ZNF558: variants seen among roughly 807,000 people sequenced by gnomAD.
The protein encoded by ZNF558 is zinc finger protein 558.
In ZNF558, 23 loss-of-function variants were observed where a neutral mutation model predicts 37.6. The ratio of observed to expected loss-of-function variants is 0.61; its 90% CI spans 0.44 to 0.87. ZNF558 has a LOEUF of 0.87. ZNF558 is among the 40% of genes least tolerant of loss of function. The pLI is 0.00. For synonymous variants in ZNF558, 189 were observed against 174.4 expected (o/e 1.08, Z -0.66); for missense variants, 429 against 483.7 (o/e 0.89, Z 1.06).
chr19:8,811,352 G>C lies in ZNF558; in HGVS notation c.1138C>G (p.His380Asp). 6.2e-7 allele frequency: 1 copy of C among 1,613,062 alleles called. No individual in the cohort carries two copies. The highest frequency in any genetic ancestry group is 8.5e-7 in the Non-Finnish European group (1 of 1,179,560). The change falls in exon 10 of 10, where the codon CAT (histidine) becomes GAT (aspartate). Residue 380 changes from histidine to aspartate, a missense_variant. Physicochemically the swap from His to Asp is moderately conservative, Grantham distance 81. Transcript: ENST00000601372. ...HTGEKPYECNHCGKSFTSNSY... is the reference protein window; with the variant it reads ...HTGEKPYECNDCGKSFTSNSY... ...TTACTTGTGAAGGATTTCCCACAAT[G>C]ATTACATTCATAGGGTTTTTCTCCA...
intron 7 of ZNF558, among the ~76,000 whole-genome samples, chr19:8,813,656 C>T (rs549751357): frequency 1.5e-4 from 23 of 152,306 alleles, no homozygotes; most frequent in South Asian, 8.3e-4. Flanking sequence ...TGAGCCACCA[C>T]GCCCTGCCAA....
intron 7 of ZNF558, among the ~76,000 whole-genome samples, chr19:8,819,045 T>C (rs183890042): frequency 1.5e-3 from 224 of 152,334 alleles, no homozygotes; most frequent in Non-Finnish European, 2.3e-3. Context: ...CTGAGTGGAA[T>C]TGTTAACACT....
chr19:8,812,787 A>T, intron 8 of ZNF558, 144 bp from the exon 9 acceptor site: 1 of 557,070 alleles, frequency 1.8e-6, no homozygotes. Context: ...TTTAGGTATT[A>T]ATTTTAAAAA....
At chr19:8,824,031 CG>C (rs993631373) in intron 4 of ZNF558, 50 bp downstream of exon 4, 4 of 152,738 alleles carry the variant, frequency 2.6e-5, no homozygotes, top group Non-Finnish European at 5.8e-5. Context: ...CCCAGCCTCC[CG>C]GTGCTCACAC....
rs1433285893 is a variant in ZNF558 at position 8,811,288 on chromosome 19, CATCT to C, written c.1198_1201del (p.Arg400GlyfsTer15). ...AGAAGTTCCTGCAGTAATTCATATC[CATCT>C]ATTATGTATTCTCTTGTGCACAGAA... On this transcript the variant is annotated frameshift_variant, in exon 10 of 10. Coordinates refer to ENST00000601372, the MANE Select transcript of ZNF558 (RefSeq NM_144693.3). LOFTEE classifies it high-confidence loss of function. 2 of 1,559,222 alleles carry C rather than the reference CATCT, an allele frequency of 1.3e-6. No individual in the cohort carries two copies. Among genetic ancestry groups the C allele is most frequent in the East Asian group, 2.2e-5 (1 of 44,510 alleles).
At position 8,822,112 on chromosome 19, in the gene ZNF558, C is replaced by G. The variant is rs770752161; in HGVS notation, c.32-21G>C. On this transcript the variant is annotated intron_variant, in intron 5 of 9. Coordinates refer to ENST00000601372, the MANE Select transcript of ZNF558 (RefSeq NM_144693.3). The surrounding 1 kb of genome is among the most constrained non-coding windows in gnomAD (Gnocchi z 4.4). Reference sequence around the variant, plus strand: ...CGGAGCTGGAGGAGGAGAAATGAGTCCCATGGATTCAGGCTTGTCTGACAC... The same window carrying G: ...CGGAGCTGGAGGAGGAGAAATGAGTGCCATGGATTCAGGCTTGTCTGACAC... The G allele has an allele frequency of 6.2e-7, 1 of 1,613,578 alleles. No individual in the cohort carries two copies. Among genetic ancestry groups the G allele is most frequent in the Non-Finnish European group, 8.5e-7 (1 of 1,179,684 alleles).
At chr19:8,819,251 G>A (rs924200768) in intron 7 of ZNF558, among the ~76,000 whole-genome samples, 1 of 152,146 alleles carries the variant, frequency 6.6e-6, no homozygotes, top group Admixed American at 6.5e-5. Context: ...GTGGATCTCG[G>A]CTCACTACAA....
chr19:8,821,346 C>T (rs750169307), intron 6 of ZNF558, 40 bp from the exon 7 acceptor site: 1 of 1,614,184 alleles, frequency 6.2e-7, no homozygotes, highest in Admixed American at 1.7e-5. Flanking sequence ...CAAGGACCAC[C>T]CCCACCAACG....
intron 6 of ZNF558, 135 bp from the exon 7 acceptor site, chr19:8,821,441 C>CCTCCCAGGGTTCTGAGCTCCT: frequency 6.4e-7 from 1 of 1,554,564 alleles, no homozygotes; most frequent in Admixed American, 1.9e-5. Flanking sequence ...TCTGAGCTCA[C>CCTCCCAGGGTTCTGAGCTCCT]CTCCCAGGGT....
Position 8,811,869 on chromosome 19 carries a change from G to C in ZNF558, c.621C>G (p.Pro207=), listed in dbSNP as rs782260825. ...CTTTCCCACAGTGATTGCATTCATA[G>C]GGTTTCTCCCCATTATGGATTCTCT... ...IHKRIHNGEK[P]YECNHCGKAF... Residue 207 remains proline (P), a synonymous_variant, in exon 10 of 10, where the codon CCC becomes CCG. Coordinates refer to ENST00000601372, the MANE Select transcript of ZNF558 (RefSeq NM_144693.3). The C allele has an allele frequency of 6.2e-7, 1 of 1,614,074 alleles. No individual in the cohort carries two copies. The highest frequency in any genetic ancestry group is 8.5e-7 in the Non-Finnish European group (1 of 1,180,002).
At position 8,809,777 on chromosome 19, in the gene ZNF558, A is replaced by C. The variant is rs2043739465; in HGVS notation, c.*1504T>G. The C allele has an allele frequency of 6.6e-6, 1 of 152,224 alleles. No individual in the cohort carries two copies. Among genetic ancestry groups the C allele is most frequent in the Non-Finnish European group, 1.5e-5 (1 of 68,030 alleles). The allele number at this position is 152,224 out of a possible 1,614,324, so 9.4% of individuals were successfully genotyped here. On this transcript the variant is annotated 3_prime_UTR_variant, in exon 10 of 10. Transcript: ENST00000601372. ...CAAATGTTTATATTAAAAGAAAAAA[A>C]GACTAAAAAAATTAATGAGCCAGCA... is the stretch of plus-strand genomic sequence containing the variant.
chr19:8,826,227 T>C (rs569974427), intron 2 of ZNF558, among the ~76,000 whole-genome samples: 3 of 152,162 alleles, frequency 2.0e-5, no homozygotes, highest in African/African-American at 7.2e-5. Flanking sequence ...GGAAGACAAT[T>C]TTTCCATGGA....
chr19:8,818,134 CT>C (rs2043987729), intron 7 of ZNF558, among the ~76,000 whole-genome samples: 1 of 152,126 alleles, frequency 6.6e-6, no homozygotes, highest in Non-Finnish European at 1.5e-5. Flanking sequence ...AAGTATCTTC[CT>C]TAACCACAAT....
At chr19:8,813,243 C>A in intron 7 of ZNF558, 21 bp from the exon 8 acceptor site, 1 of 1,555,788 alleles carries the variant, frequency 6.4e-7, no homozygotes, top group African/African-American at 1.3e-5. Context: ...AAACAATACA[C>A]ATGATATAGG....
chr19:8,821,514 T>G, intron 6 of ZNF558: 1 of 1,441,562 alleles, frequency 6.9e-7, no homozygotes, highest in Non-Finnish European at 9.1e-7. Context: ...TCTCCCTGGC[T>G]TCTGAGCTCA....
upstream of ZNF558, among the ~76,000 whole-genome samples, chr19:8,834,768 C>A (rs1222462463): frequency 6.6e-6 from 1 of 152,024 alleles, no homozygotes; most frequent in East Asian, 1.9e-4. Flanking sequence ...AAACTATAAA[C>A]TTCTTGGAAG....
At chr19:8,832,851 C>T (rs1568481403), upstream of ZNF558, among the ~76,000 whole-genome samples, 1 of 151,878 alleles carries the variant, frequency 6.6e-6, no homozygotes, top group African/African-American at 2.4e-5. Flanking sequence ...GAGGTTGGGG[C>T]TGGCTGTGGG....
In ZNF558 at chr19:8,808,638, G is replaced by T. The variant is rs374011089; in HGVS notation, c.*2643C>A. 6.6e-6 allele frequency: 1 copy of T among 152,130 alleles called. No homozygotes were observed. Among genetic ancestry groups the T allele is most frequent in the Non-Finnish European group, 1.5e-5 (1 of 68,014 alleles). The allele number at this position is 152,130 out of a possible 1,614,324, so 9.4% of individuals were successfully genotyped here. On this transcript the variant is annotated 3_prime_UTR_variant, in exon 10 of 10. Coordinates refer to ENST00000601372, the MANE Select transcript of ZNF558 (RefSeq NM_144693.3). ...TTAGAGAATATACATTGTTTTCAAA[G>T]AAACAACATGGGTAAAACTTGACCA...
upstream of ZNF558, among the ~76,000 whole-genome samples, chr19:8,836,464 T>C (rs2145343633): frequency 6.7e-6 from 1 of 148,336 alleles, no homozygotes; most frequent in African/African-American, 2.5e-5. Flanking sequence ...TTCCTCCTCC[T>C]CCCCCCCTCT....
Sources: gnomAD v4.1 joint callset for allele counts (sites outside exome capture counted in the v4.1 genomes callset) on GRCh38, gnomAD v4.1.1 for gene constraint, Gnocchi (gnomAD v3.1) non-coding constraint, MANE v1.5 for transcripts, NCBI Gene and HGNC (gene_info 2026-07-23, HGNC 2026-07-21) for gene names.